Variants in TASP1 observed in about 807,000 individuals in gnomAD.
TASP1 encodes taspase 1.
Under a neutral mutation model 56.6 loss-of-function variants are expected in TASP1, and 16 were observed. That is an observed-to-expected ratio of 0.28 (90% CI 0.19 to 0.43). TASP1 has a LOEUF of 0.43. TASP1 is among the 20% of genes least tolerant of loss of function. The pLI is 1.00. For synonymous variants in TASP1, 179 were observed against 184.2 expected (o/e 0.97, Z 0.23); for missense variants, 393 against 511.6 (o/e 0.77, Z 2.24).
At chr20:13,292,717 G>T in the TASP1 span, among the ~76,000 whole-genome samples, 4 of 152,100 alleles carry the variant, frequency 2.6e-5, no homozygotes, top group South Asian at 8.3e-4. Context: ...GGCAGATGGG[G>T]ACCTGTCTCT....
At chr20:13,262,950 T>C in the TASP1 span, among the ~76,000 whole-genome samples, 1 of 152,204 alleles carries the variant, frequency 6.6e-6, no homozygotes, top group Non-Finnish European at 1.5e-5. Flanking sequence ...ATTCCTCAGC[T>C]ATTAGTCAGA....
chr20:13,135,436 GA>G, the TASP1 span, among the ~76,000 whole-genome samples: 2 of 152,158 alleles, frequency 1.3e-5, no homozygotes, highest in Non-Finnish European at 2.9e-5. Context: ...GTGTTGAAAT[GA>G]AATTGGCACT....
downstream of TASP1, among the ~76,000 whole-genome samples, chr20:13,384,639 C>T (rs2123533631): frequency 6.6e-6 from 1 of 152,168 alleles, no homozygotes; most frequent in South Asian, 2.1e-4. Flanking sequence ...TCTTAAGGCC[C>T]CAGAACAAAT....
At chr20:13,195,175 C>T in the TASP1 span, among the ~76,000 whole-genome samples, 2 of 152,108 alleles carry the variant, frequency 1.3e-5, no homozygotes, top group Non-Finnish European at 2.9e-5. Context: ...TACTTTTGCA[C>T]CAACTTAACA....
intron 13 of TASP1, among the ~76,000 whole-genome samples, chr20:13,396,405 G>A (rs1452502762): frequency 6.6e-6 from 1 of 152,144 alleles, no homozygotes; most frequent in Admixed American, 6.5e-5. Context: ...ATATAGTCTA[G>A]AATAATGTGT....
intron 11 of TASP1, among the ~76,000 whole-genome samples, chr20:13,464,415 G>A (rs2044169942): frequency 6.6e-6 from 1 of 152,150 alleles, no homozygotes; most frequent in Non-Finnish European, 1.5e-5. Flanking sequence ...CTCCTTAACT[G>A]TGAGGAAATA....
the TASP1 span, among the ~76,000 whole-genome samples, chr20:13,296,847 G>A: frequency 4.6e-5 from 7 of 152,052 alleles, no homozygotes; most frequent in South Asian, 2.1e-4. Flanking sequence ...GTGAAACCCC[G>A]TCTCTACTAA....
the TASP1 span, among the ~76,000 whole-genome samples, chr20:13,277,805 C>T: frequency 6.6e-6 from 1 of 152,120 alleles, no homozygotes; most frequent in Non-Finnish European, 1.5e-5. Context: ...ACTTGGCCTG[C>T]TGCAGCCTGA....
At chr20:13,221,971 G>C in the TASP1 span, 1 of 1,292,732 alleles carries the variant, frequency 7.7e-7, no homozygotes, top group Non-Finnish European at 9.8e-7. Context: ...TGTGGGGCGG[G>C]GGTGCTGAGC....
the TASP1 span, among the ~76,000 whole-genome samples, chr20:13,198,453 C>A: frequency 7.6e-3 from 1,155 of 152,210 alleles, 6 homozygotes; most frequent in Non-Finnish European, 0.014. Flanking sequence ...TCTTCATGAC[C>A]TAATTACCTG....
intron 10 of TASP1, among the ~76,000 whole-genome samples, chr20:13,522,282 G>T (rs965363494): frequency 3.3e-5 from 5 of 152,164 alleles, no homozygotes; most frequent in Non-Finnish European, 7.4e-5. Context: ...TTGAACACCA[G>T]TTGCAGGGTT....
chr20:13,222,027 G>A, the TASP1 span: 12 of 1,037,366 alleles, frequency 1.2e-5, no homozygotes, highest in Non-Finnish European at 1.5e-5. Flanking sequence ...CCCCACCTAA[G>A]AGCAACTGTT....
chr20:13,570,565 T>C (rs561417628), intron 6 of TASP1, among the ~76,000 whole-genome samples: 1 of 152,206 alleles, frequency 6.6e-6, no homozygotes, highest in African/African-American at 2.4e-5. Flanking sequence ...ATCCAAATGG[T>C]TCCAATGGGA....
the TASP1 span, among the ~76,000 whole-genome samples, chr20:13,201,241 A>C: frequency 3.3e-5 from 5 of 152,214 alleles, no homozygotes; most frequent in Non-Finnish European, 5.9e-5. Flanking sequence ...AGGCAAGAGT[A>C]AAATTAAGAA....
the TASP1 span, among the ~76,000 whole-genome samples, chr20:13,333,717 A>G: frequency 6.6e-6 from 1 of 152,366 alleles, no homozygotes; most frequent in Non-Finnish European, 1.5e-5. Flanking sequence ...TAAATGTAAC[A>G]TGCCCTTTAC....
the TASP1 span, among the ~76,000 whole-genome samples, chr20:13,280,164 C>T: frequency 6.6e-6 from 1 of 152,306 alleles, no homozygotes; most frequent in East Asian, 1.9e-4. Flanking sequence ...GGGGTTCTTT[C>T]TGCCTCCCCC....
intron 11 of TASP1, 117 bp from the exon 12 acceptor site, chr20:13,435,271 T>A: frequency 2.6e-6 from 2 of 755,798 alleles, no homozygotes; most frequent in Non-Finnish European, 4.4e-6. Flanking sequence ...CATTTTCTGA[T>A]AATCACCATT....
At chr20:13,182,498 C>G in the TASP1 span, among the ~76,000 whole-genome samples, 1 of 152,136 alleles carries the variant, frequency 6.6e-6, no homozygotes, top group East Asian at 1.9e-4. Flanking sequence ...TCTGTTTTTA[C>G]TCTTCTGTCA....
chr20:13,628,052 C>A (rs979500450), intron 2 of TASP1, among the ~76,000 whole-genome samples: 1 of 152,208 alleles, frequency 6.6e-6, no homozygotes, highest in Non-Finnish European at 1.5e-5. Flanking sequence ...CTTAACTTCT[C>A]CACTTTGGAA....
Sources: gnomAD v4.1 joint callset for allele counts (sites outside exome capture counted in the v4.1 genomes callset) on GRCh38, gnomAD v4.1.1 for gene constraint, MANE v1.5 for transcripts, NCBI Gene and HGNC (gene_info 2026-07-23, HGNC 2026-07-21) for gene names.